The following NEO1 variants were observed in gnomAD, a reference collection of about 807,000 sequenced individuals.
The protein encoded by NEO1 is neogenin.
In NEO1, 63 loss-of-function variants were observed where a neutral mutation model predicts 159.7. That is an observed-to-expected ratio of 0.39 (90% CI 0.32 to 0.49). The LOEUF is 0.49. Ranked by LOEUF, NEO1 falls within the 20% of genes least tolerant of loss-of-function variation. The probability of loss-of-function intolerance (pLI) is 0.85; values close to 1 mark genes in which losing one functional copy is unlikely to be tolerated. For synonymous variants in NEO1, 633 were observed against 662.0 expected (o/e 0.96, Z 0.67); for missense variants, 1,615 against 1,831.0 (o/e 0.88, Z 2.15).
intron 15 of NEO1, among the ~76,000 whole-genome samples, chr15:73,263,889 A>G (rs1436630837): frequency 6.6e-6 from 1 of 152,190 alleles, no homozygotes; most frequent in East Asian, 1.9e-4. Context: ...CTTTGCTGGT[A>G]GAATAAAAAT....
chr15:73,216,805 A>G (rs2037914565), intron 7 of NEO1, among the ~76,000 whole-genome samples: 1 of 152,044 alleles, frequency 6.6e-6, no homozygotes, highest in African/African-American at 2.4e-5. Flanking sequence ...ATTTGTTTGA[A>G]TTCATTGTAG....
At chr15:73,086,817 G>C (rs1879466623) in intron 1 of NEO1, among the ~76,000 whole-genome samples, 1 of 151,210 alleles carries the variant, frequency 6.6e-6, no homozygotes, top group African/African-American at 2.4e-5. Context: ...ACCCATGCCT[G>C]GCTAATTTTT....
At chr15:73,120,946 C>T (rs887019460) in intron 2 of NEO1, among the ~76,000 whole-genome samples, 1 of 152,130 alleles carries the variant, frequency 6.6e-6, no homozygotes, top group African/African-American at 2.4e-5. Flanking sequence ...AACATCTTAT[C>T]GTATCTGCCT....
At position 73,267,130 on chromosome 15, in the gene NEO1, C is replaced by T. The variant is rs150940706; in HGVS notation, c.2494+719C>T. ...AAAATTAGCCAGGCGTGGTGCTGGG[C>T]GCCTGTAGTCCCAGCAACTCGGAAG... On this transcript the variant is annotated intron_variant, in intron 16 of 28. Transcript: ENST00000261908. 8.6e-3 allele frequency among the ~76,000 whole-genome samples: 1,302 copies of T among 152,108 alleles called. 22 individuals are homozygous for T. Among genetic ancestry groups the T allele is most frequent in the African/African-American group, 0.03 (1,227 of 41,488 alleles).
chr15:73,197,559 A>G (rs2036596297), intron 7 of NEO1, among the ~76,000 whole-genome samples: 1 of 152,144 alleles, frequency 6.6e-6, no homozygotes, highest in African/African-American at 2.4e-5. Flanking sequence ...AGATGTTAAA[A>G]TATGGAAAAG....
At chr15:73,191,387 A>C (rs2036228909) in intron 7 of NEO1, among the ~76,000 whole-genome samples, 1 of 151,026 alleles carries the variant, frequency 6.6e-6, no homozygotes, top group Non-Finnish European at 1.5e-5. Context: ...TTCAATAGTC[A>C]GCATTAAAGG....
At chr15:73,142,642 A>G (rs569586461) in intron 5 of NEO1, among the ~76,000 whole-genome samples, 2 of 152,234 alleles carry the variant, frequency 1.3e-5, no homozygotes, top group Admixed American at 1.3e-4. Flanking sequence ...GGTAGAGTGG[A>G]ACTGATGGAG....
chr15:73,135,866 T>C, intron 4 of NEO1, 25 bp from the exon 5 acceptor site: 2 of 667,256 alleles, frequency 3.0e-6, no homozygotes, highest in South Asian at 4.4e-5. Flanking sequence ...AATGTATCTT[T>C]TTTTTTTTTT....
chr15:73,176,506 G>T lies in NEO1; in HGVS notation c.1119G>T (p.Lys373Asn). The T allele has an allele frequency of 6.2e-7, 1 of 1,612,252 alleles. No homozygotes were observed. Among genetic ancestry groups the T allele is most frequent in the Non-Finnish European group, 8.5e-7 (1 of 1,179,058 alleles). ...CTGGAAAACCAACTCCAACTGTGAA[G>T]TGGGTCAAAAATGGGGATATGGTTA... is the stretch of plus-strand genomic sequence containing the variant. ...EVTGKPTPTV[K>N]WVKNGDMVIP... Residue 373 changes from lysine to asparagine, a missense_variant, in exon 6 of 29, where the codon AAG becomes AAT. Physicochemically the swap from Lys to Asn is moderately conservative, Grantham distance 94 (BLOSUM62 0). Around this residue, in one of 3 missense-constraint regions of NEO1, gnomAD observed 1,018 missense variants for 1,115.4 expected, o/e 0.91. Coordinates refer to ENST00000261908, the MANE Select transcript of NEO1 (RefSeq NM_002499.4).
chr15:73,200,912 G>C (rs1405960503), intron 7 of NEO1, among the ~76,000 whole-genome samples: 1 of 151,768 alleles, frequency 6.6e-6, no homozygotes, highest in Non-Finnish European at 1.5e-5. Context: ...AAACTCCTGA[G>C]CTCAAGTGAT....
chr15:73,125,043 G>C (rs2029998654), intron 3 of NEO1, among the ~76,000 whole-genome samples: 1 of 152,198 alleles, frequency 6.6e-6, no homozygotes, highest in African/African-American at 2.4e-5. Flanking sequence ...ACCTAGGGTA[G>C]CATTTAAGCA....
intron 7 of NEO1, among the ~76,000 whole-genome samples, chr15:73,185,765 G>A (rs1045607497): frequency 3.9e-5 from 6 of 152,124 alleles, no homozygotes; most frequent in African/African-American, 1.2e-4. Context: ...AACAAAGTGT[G>A]ATACATCTAT....
In NEO1 at chr15:73,289,230, C is replaced by T. The variant is rs756700001; in HGVS notation, c.3734C>T (p.Pro1245Leu). The T allele has an allele frequency of 1.0e-4, 169 of 1,613,892 alleles. No homozygotes were observed. The highest frequency in any genetic ancestry group is 1.4e-4 in the Non-Finnish European group (164 of 1,179,934). The change falls in exon 25 of 29, where the codon CCA (proline) becomes CTA (leucine). Residue 1245 changes from proline (P) to leucine (L), a missense_variant. Physicochemically the swap from Pro to Leu is moderately conservative, Grantham distance 98. Around this residue, in one of 3 missense-constraint regions of NEO1, gnomAD observed 471 missense variants for 498.9 expected, o/e 0.94. Coordinates refer to ENST00000261908, the MANE Select transcript of NEO1 (RefSeq NM_002499.4). Reference sequence around the variant, plus strand: ...ATGATGATGCCCTTTGACTCCCAGCCACCCCAGCGTAAGTAGAAGCATCTC... The same window carrying T: ...ATGATGATGCCCTTTGACTCCCAGCTACCCCAGCGTAAGTAGAAGCATCTC... ...PKMMMPFDSQ[P>L]PQPVISAHPI...
chr15:73,258,779 G>A lies in NEO1; in HGVS notation c.2106G>A (p.Gly702=). 1 of 1,613,810 alleles carries A rather than the reference G, an allele frequency of 6.2e-7. No homozygotes were observed. Among genetic ancestry groups the A allele is most frequent in the East Asian group, 2.2e-5 (1 of 44,880 alleles). The change falls in exon 14 of 29, where the codon GGG becomes GGA. Residue 702 remains glycine, a synonymous_variant. Coordinates refer to ENST00000261908, the MANE Select transcript of NEO1 (RefSeq NM_002499.4). The part of the protein sequence containing the change: ...LSQLIEGLDR[G]TEYNFRVAAL... ...ATTTGGTCTCAGGTCTTGATCGGGGGACTGAGTATAATTTCCGAGTGGCTG... is the reference window on the plus strand; with the variant it reads ...ATTTGGTCTCAGGTCTTGATCGGGGAACTGAGTATAATTTCCGAGTGGCTG...
In NEO1 at chr15:73,122,619, A is replaced by G. The variant is rs2151656139; in HGVS notation, c.543A>G (p.Pro181=). The G allele has an allele frequency of 6.2e-7, 1 of 1,614,186 alleles. No homozygotes were observed. Among genetic ancestry groups the G allele is most frequent in the South Asian group, 1.1e-5 (1 of 91,076 alleles). Reference sequence around the variant, plus strand: ...GTGAAGTTAATGCAGATTTGGTCCCATTTGTGAGGTGGGAACAGAACAGAC... The same window carrying G: ...GTGAAGTTAATGCAGATTTGGTCCCGTTTGTGAGGTGGGAACAGAACAGAC... The part of the protein sequence containing the change: ...LNCEVNADLV[P]FVRWEQNRQP... Residue 181 remains proline (P), a synonymous_variant, in exon 3 of 29, where the codon CCA becomes CCG. Coordinates refer to ENST00000261908, the MANE Select transcript of NEO1 (RefSeq NM_002499.4).
intron 13 of NEO1, 83 bp downstream of exon 13, chr15:73,254,912 C>T: frequency 7.0e-7 from 1 of 1,427,044 alleles, no homozygotes; most frequent in East Asian, 2.4e-5. Context: ...CTGCTCTGAA[C>T]TGTCGACTTA....
intron 27 of NEO1, 51 bp from the exon 28 acceptor site, chr15:73,301,270 T>C: frequency 6.2e-7 from 1 of 1,611,748 alleles, no homozygotes; most frequent in Non-Finnish European, 8.5e-7. Context: ...CTTCATGAGG[T>C]CTAGGGGAGG....
At chr15:73,191,926 TA>T (rs1596307464) in intron 7 of NEO1, among the ~76,000 whole-genome samples, 2 of 152,164 alleles carry the variant, frequency 1.3e-5, no homozygotes, top group East Asian at 3.9e-4. Context: ...CATTCAGAAA[TA>T]AATTGTTGAG....
chr15:73,117,527 G>T (rs1240105550), intron 2 of NEO1, among the ~76,000 whole-genome samples: 2 of 152,190 alleles, frequency 1.3e-5, no homozygotes, highest in African/African-American at 2.4e-5. Flanking sequence ...TAGTTTTTGT[G>T]AAGGGTCATG....
Sources: allele counts gnomAD v4.1 joint callset (sites outside exome capture counted in the v4.1 genomes callset), GRCh38; gene constraint gnomAD v4.1.1; regional missense constraint gnomAD v4.1.1; transcripts MANE v1.5; gene names NCBI Gene and HGNC (gene_info 2026-07-23, HGNC 2026-07-21).